The following ATP1A1 variants were observed in gnomAD, a reference collection of about 807,000 sequenced individuals.
ATP1A1 encodes the protein ATPase Na+/K+ transporting subunit alpha 1, also known as sodium/potassium-transporting ATPase subunit alpha-1.
Under a neutral mutation model 114.8 loss-of-function variants are expected in ATP1A1, and 14 were observed. The observed-to-expected ratio is 0.12, with a 90% CI of 0.08 to 0.19. The LOEUF (loss-of-function observed/expected upper bound fraction) is 0.19, where lower values mean the gene tolerates loss of function less well. Among genes scored for constraint, ATP1A1 ranks in the 10% least tolerant of loss-of-function variants. The pLI, the probability that ATP1A1 is intolerant of heterozygous loss-of-function variation, is 1.00. For missense variants in ATP1A1, 524 were observed against 1,290.7 expected (o/e 0.41, Z 9.10); for synonymous variants, 471 against 466.3 (o/e 1.01, Z -0.13).
chr1:116,388,350 CAG>C lies in ATP1A1; in HGVS notation c.501+112_501+113del. The C allele has an allele frequency of 1.9e-6, 2 of 1,056,318 alleles. No homozygotes were observed. Among genetic ancestry groups the C allele is most frequent in the East Asian group, 2.5e-5 (1 of 39,784 alleles). The allele number at this position is 1,056,318 out of a possible 1,614,324, so 65.4% of individuals were successfully genotyped here. On this transcript the variant is annotated intron_variant, in intron 5 of 22. Coordinates refer to ENST00000295598, the MANE Select transcript of ATP1A1 (RefSeq NM_000701.8). This position sits in a 1 kb window ranked among gnomAD's most constrained non-coding sequence, Gnocchi z 5.6. ...GTTTTCCAAGTATTACATGACTCAT[CAG>C]AGAGATGGATGTCTTCTACCCCACC...
At chr1:116,386,441 A>T (rs1652100634) in intron 3 of ATP1A1, among the ~76,000 whole-genome samples, 1 of 152,238 alleles carries the variant, frequency 6.6e-6, no homozygotes, top group Admixed American at 6.5e-5. Context: ...GAATTAAACA[A>T]GTTAATTAAA....
intron 18 of ATP1A1, among the ~76,000 whole-genome samples, chr1:116,400,558 T>G (rs1404559951): frequency 1.3e-5 from 2 of 152,184 alleles, no homozygotes; most frequent in African/African-American, 2.4e-5. Flanking sequence ...GGTCATACCC[T>G]TAGAAGCAGC....
rs1169068214 is a variant in ATP1A1 at position 116,390,215 on chromosome 1, C to T, written c.1026C>T (p.Val342=). The change falls in exon 9 of 23, where the codon GTC becomes GTT. Residue 342 remains valine, a splice_region_variant and synonymous_variant. Coordinates refer to ENST00000295598, the MANE Select transcript of ATP1A1 (RefSeq NM_000701.8). ...ATAATCTTCCTAATATTTTTTAGGT[C>T]TGTCTGACACTTACTGCCAAACGCA... is the stretch of plus-strand genomic sequence containing the variant. ...VPEGLLATVT[V]CLTLTAKRMA... 1 of 1,613,786 alleles carries T rather than the reference C, an allele frequency of 6.2e-7. No homozygotes were observed. Among genetic ancestry groups the T allele is most frequent in the Non-Finnish European group, 8.5e-7 (1 of 1,179,904 alleles).
Position 116,398,617 on chromosome 1 carries a change from G to A in ATP1A1, c.2125-4G>A. The stretch of plus-strand genomic sequence containing the variant: ...ATTAACCCGTTTTCCCTTTTCTGGG[G>A]TAGGGTGCTATCGTGGCTGTGACTG... On this transcript the variant is annotated splice_polypyrimidine_tract_variant and splice_region_variant and intron_variant, in intron 15 of 22. Coordinates refer to ENST00000295598, the MANE Select transcript of ATP1A1 (RefSeq NM_000701.8). The surrounding 1 kb of genome is among the most constrained non-coding windows in gnomAD (Gnocchi z 6.1). The A allele has an allele frequency of 6.2e-7, 1 of 1,613,210 alleles. No homozygotes were observed. The highest frequency in any genetic ancestry group is 2.2e-5 in the East Asian group (1 of 44,874).
intron 1 of ATP1A1, among the ~76,000 whole-genome samples, chr1:116,377,245 T>C (rs1379395728): frequency 1.3e-5 from 2 of 152,248 alleles, no homozygotes; most frequent in Non-Finnish European, 2.9e-5. Flanking sequence ...TGAAGTAATC[T>C]ATGTTCTGTT....
At position 116,398,824 on chromosome 1, in the gene ATP1A1, T is replaced by C. The variant is rs556410401; in HGVS notation, c.2293+35T>C. 101 of 1,611,512 alleles carry C rather than the reference T, an allele frequency of 6.3e-5. No homozygotes were observed. The East Asian group carries it at 1.3e-3, about 21-fold the overall frequency. On this transcript the variant is annotated intron_variant, in intron 16 of 22. Transcript: ENST00000295598. The surrounding 1 kb of genome is among the most constrained non-coding windows in gnomAD (Gnocchi z 6.1). Reference sequence around the variant, plus strand: ...ATTTAAGGTGTACACCAAGATCTTATTCAGATACTGCCCATTAGCATCCAT... The same window carrying C: ...ATTTAAGGTGTACACCAAGATCTTACTCAGATACTGCCCATTAGCATCCAT...
Position 116,399,234 on chromosome 1 carries a change from A to C in ATP1A1, c.2448+150A>C. On this transcript the variant is annotated intron_variant, in intron 17 of 22. Transcript: ENST00000295598. This position sits in a 1 kb window ranked among gnomAD's most constrained non-coding sequence, Gnocchi z 5.0. ...CAGTGTGTGTCCCAATCCCGGCTTC[A>C]CAGAATCAGTATTACCACTCTTCAA... 1 of 1,375,942 alleles carries C rather than the reference A, an allele frequency of 7.3e-7. No homozygotes were observed. The highest frequency in any genetic ancestry group is 1.0e-6 in the Non-Finnish European group (1 of 1,002,438). 85.2% of individuals were successfully genotyped at this position (1,375,942 alleles called of 1,614,324 possible). A position where few individuals can be genotyped will look rare whatever the true frequency, so the allele number is the denominator to read the frequency against.
chr1:116,373,669 A>G (rs1358849138), intron 1 of ATP1A1, 146 bp downstream of exon 1: 1 of 1,054,824 alleles, frequency 9.5e-7, no homozygotes, highest in Non-Finnish European at 1.2e-6. Flanking sequence ...GCGCGGCTTA[A>G]AAGACGACGC....
At chr1:116,394,513 G>A (rs1267335822) in intron 12 of ATP1A1, among the ~76,000 whole-genome samples, 2 of 151,866 alleles carry the variant, frequency 1.3e-5, no homozygotes, top group Non-Finnish European at 2.9e-5. Context: ...CACATGGCAC[G>A]TTAAAGATCA....
chr1:116,387,682 C>T lies in ATP1A1; in HGVS notation c.387+191C>T, dbSNP rs1032375952. Among the ~76,000 whole-genome samples the T allele has an allele frequency of 6.6e-6, 1 of 152,248 alleles. No homozygotes were observed. Among genetic ancestry groups the T allele is most frequent in the African/African-American group, 2.4e-5 (1 of 41,466 alleles). Reference sequence around the variant, plus strand: ...GTTTCCATTTCCTCTCTCTACCACCCACGTTGTAGATGCTCTTACAAGTGG... The same window carrying T: ...GTTTCCATTTCCTCTCTCTACCACCTACGTTGTAGATGCTCTTACAAGTGG... On this transcript the variant is annotated intron_variant, in intron 4 of 22. Transcript: ENST00000295598. This position sits in a 1 kb window ranked among gnomAD's most constrained non-coding sequence, Gnocchi z 6.7.
Position 116,398,822 on chromosome 1 carries a change from T to C in ATP1A1, c.2293+33T>C. 1 of 1,611,614 alleles carries C rather than the reference T, an allele frequency of 6.2e-7. No homozygotes were observed. The highest frequency in any genetic ancestry group is 1.3e-5 in the African/African-American group (1 of 75,010). On this transcript the variant is annotated intron_variant, in intron 16 of 22. Coordinates refer to ENST00000295598, the MANE Select transcript of ATP1A1 (RefSeq NM_000701.8). The surrounding 1 kb of genome is among the most constrained non-coding windows in gnomAD (Gnocchi z 6.1). ...CTATTTAAGGTGTACACCAAGATCT[T>C]ATTCAGATACTGCCCATTAGCATCC... is the stretch of plus-strand genomic sequence containing the variant.
At position 116,404,462 on chromosome 1, in the gene ATP1A1, C is replaced by T. The variant is rs1802716; in HGVS notation, c.*18C>T. 6.7e-3 allele frequency: 10,774 copies of T among 1,607,056 alleles called. 57 individuals are homozygous for T. Among genetic ancestry groups the T allele is most frequent in the Non-Finnish European group, 8.5e-3 (9,987 of 1,177,970 alleles). On this transcript the variant is annotated 3_prime_UTR_variant, in exon 23 of 23. Coordinates refer to ENST00000295598, the MANE Select transcript of ATP1A1 (RefSeq NM_000701.8). The surrounding 1 kb of genome is among the most constrained non-coding windows in gnomAD (Gnocchi z 4.8). ...ACTATTAGCCCCCCGTCCTGCACGCCGTGGAGCATCAGGCCACACACTCTG... is the reference window on the plus strand; with the variant it reads ...ACTATTAGCCCCCCGTCCTGCACGCTGTGGAGCATCAGGCCACACACTCTG...
chr1:116,394,441 GT>G (rs1652736955), intron 12 of ATP1A1, among the ~76,000 whole-genome samples: 1 of 151,908 alleles, frequency 6.6e-6, no homozygotes, highest in African/African-American at 2.4e-5. Context: ...TTCTCTTTAA[GT>G]GTTTTTCACT....
At position 116,399,700 on chromosome 1, in the gene ATP1A1, C is replaced by T. The variant is rs1379510906; in HGVS notation, c.2572+157C>T. Reference sequence around the variant, plus strand: ...AGTGAGCCTGTGGAGTTTCTCTGAACTCTCTTCCATGTGAGAATACATCTG... The same window carrying T: ...AGTGAGCCTGTGGAGTTTCTCTGAATTCTCTTCCATGTGAGAATACATCTG... On this transcript the variant is annotated intron_variant, in intron 18 of 22. Transcript: ENST00000295598. The surrounding 1 kb of genome is among the most constrained non-coding windows in gnomAD (Gnocchi z 5.0). 1.3e-5 allele frequency among the ~76,000 whole-genome samples: 2 copies of T among 152,194 alleles called. No individual in the cohort carries two copies. Among genetic ancestry groups the T allele is most frequent in the African/African-American group, 2.4e-5 (1 of 41,442 alleles).
At chr1:116,402,683 TTG>T (rs1653598778) in intron 21 of ATP1A1, among the ~76,000 whole-genome samples, 1 of 152,314 alleles carries the variant, frequency 6.6e-6, no homozygotes, top group South Asian at 2.1e-4. Flanking sequence ...TCCTCTGCCT[TTG>T]TGTTTGGTAA....
Position 116,389,128 on chromosome 1 carries a change from C to A in ATP1A1, c.754+109C>A. ...GTTTTATTGGCTCCATTTCTGAGAA[C>A]TTGTGTCAAGCACAGAGCAGAGGTG... On this transcript the variant is annotated intron_variant, in intron 7 of 22. Transcript: ENST00000295598. This position sits in a 1 kb window ranked among gnomAD's most constrained non-coding sequence, Gnocchi z 6.9. The A allele has an allele frequency of 8.8e-7, 1 of 1,140,928 alleles. No homozygotes were observed. The highest frequency in any genetic ancestry group is 1.3e-6 in the Non-Finnish European group (1 of 775,498). 70.7% of individuals were successfully genotyped at this position (1,140,928 alleles called of 1,614,324 possible).
At position 116,393,126 on chromosome 1, in the gene ATP1A1, A is replaced by C; in HGVS notation, c.1467+138A>C. ...TTTAAATTTTGCCCTTGATTACCAT[A>C]GAATGCCATAATTTAGTTGAATATC... On this transcript the variant is annotated intron_variant, in intron 11 of 22. Coordinates refer to ENST00000295598, the MANE Select transcript of ATP1A1 (RefSeq NM_000701.8). The surrounding 1 kb of genome is among the most constrained non-coding windows in gnomAD (Gnocchi z 5.0). 3 of 1,238,450 alleles carry C rather than the reference A, an allele frequency of 2.4e-6. No individual in the cohort carries two copies. The highest frequency in any genetic ancestry group is 3.3e-6 in the Non-Finnish European group (3 of 903,644). The allele number at this position is 1,238,450 out of a possible 1,614,324, so 76.7% of individuals were successfully genotyped here.
intron 1 of ATP1A1, chr1:116,374,001 C>T (rs936890803): frequency 8.1e-6 from 11 of 1,354,440 alleles, no homozygotes; most frequent in Non-Finnish European, 9.4e-6. Context: ...CCTCCCCTTC[C>T]CCTGGGGCGC....
Position 116,395,746 on chromosome 1 carries a change from A to G in ATP1A1, c.1836+461A>G, listed in dbSNP as rs1652857144. Among the ~76,000 whole-genome samples, 1 of 151,906 alleles carries G rather than the reference A, an allele frequency of 6.6e-6. No homozygotes were observed. ...TATTTGGTTTCTGTTTTTTACTCTC[A>G]GGATTTTATTTTATTTATTTTTTGA... On this transcript the variant is annotated intron_variant, in intron 13 of 22. Coordinates refer to ENST00000295598, the MANE Select transcript of ATP1A1 (RefSeq NM_000701.8). This position sits in a 1 kb window ranked among gnomAD's most constrained non-coding sequence, Gnocchi z 6.4.
Sources: allele counts gnomAD v4.1 joint callset (sites outside exome capture counted in the v4.1 genomes callset), GRCh38; gene constraint gnomAD v4.1.1; non-coding constraint Gnocchi (gnomAD v3.1); transcripts MANE v1.5; gene names NCBI Gene and HGNC (gene_info 2026-07-23, HGNC 2026-07-21).